Variants in ZER1 observed in about 807,000 individuals in gnomAD.
The protein encoded by ZER1 is protein zer-1 homolog.
Under a neutral mutation model 78.8 loss-of-function variants are expected in ZER1, and 11 were observed. The observed-to-expected ratio is 0.14, with a 90% CI of 0.09 to 0.23. ZER1 has a LOEUF of 0.23. Among genes scored for constraint, ZER1 ranks in the 10% least tolerant of loss-of-function variants. ZER1 has a pLI of 1.00. For synonymous variants in ZER1, 400 were observed against 407.0 expected (o/e 0.98, Z 0.21); for missense variants, 588 against 996.9 (o/e 0.59, Z 5.52).
chr9:128,730,199 G>C lies in ZER1; in HGVS notation c.*1138C>G, dbSNP rs1939056554. On this transcript the variant is annotated 3_prime_UTR_variant, in exon 16 of 16. Coordinates refer to ENST00000291900, the MANE Select transcript of ZER1 (RefSeq NM_006336.4). ...CAAGTGTCCGATGAGAAGCAATGCAGTGTCCATCGATGGAGGAGCAAGAGA... is the reference window on the plus strand; with the variant it reads ...CAAGTGTCCGATGAGAAGCAATGCACTGTCCATCGATGGAGGAGCAAGAGA... The C allele has an allele frequency of 6.5e-6, 1 of 152,878 alleles. No homozygotes were observed. Among genetic ancestry groups the C allele is most frequent in the Non-Finnish European group, 1.5e-5 (1 of 68,266 alleles). 9.5% of individuals were successfully genotyped at this position (152,878 alleles called of 1,614,324 possible). A position where few individuals can be genotyped will look rare whatever the true frequency, so the allele number is the denominator to read the frequency against.
intron 1 of ZER1, among the ~76,000 whole-genome samples, chr9:128,757,360 A>T (rs1284176812): frequency 6.6e-6 from 1 of 152,044 alleles, no homozygotes; most frequent in East Asian, 1.9e-4. Context: ...CTCTACAAAA[A>T]ATACAAAAAA....
At chr9:128,766,662 A>G (rs1274267247) in intron 1 of ZER1, among the ~76,000 whole-genome samples, 4 of 152,000 alleles carry the variant, frequency 2.6e-5, no homozygotes, top group Non-Finnish European at 4.4e-5. Context: ...CCTGGCCAAC[A>G]TGGTGAAACT....
chr9:128,757,903 T>C (rs1160583548), intron 1 of ZER1, among the ~76,000 whole-genome samples: 1 of 114,472 alleles, frequency 8.7e-6, no homozygotes, highest in Non-Finnish European at 1.9e-5. Flanking sequence ...CAGAAATGCA[T>C]AAGTAAATGT....
At position 128,757,339 on chromosome 9, in the gene ZER1, C is replaced by T. The variant is rs910934449; in HGVS notation, c.-94-1680G>A. Among the ~76,000 whole-genome samples, 7 of 151,862 alleles carry T rather than the reference C, an allele frequency of 4.6e-5. No individual in the cohort carries two copies. The East Asian group carries it at 1.2e-3, about 25-fold the overall frequency. ...TTCAAGACCAGCCTGGGCAACATGG[C>T]GAAACCCTGTCTCTACAAAAAATAC... On this transcript the variant is annotated intron_variant, in intron 1 of 15. Coordinates refer to ENST00000291900, the MANE Select transcript of ZER1 (RefSeq NM_006336.4).
At chr9:128,733,380 C>T in intron 15 of ZER1, 46 bp downstream of exon 15, 1 of 1,579,200 alleles carries the variant, frequency 6.3e-7, no homozygotes, top group Non-Finnish European at 8.7e-7. Context: ...TGCCCTTACT[C>T]CCCTAAACCA....
upstream of ZER1, chr9:128,771,965 C>T (rs943666318): frequency 6.6e-6 from 1 of 152,258 alleles, no homozygotes; most frequent in African/African-American, 2.4e-5. Flanking sequence ...TTAGCAACAG[C>T]GATCGGGTTC....
At chr9:128,734,971 G>A (rs1863013595) in intron 14 of ZER1, among the ~76,000 whole-genome samples, 2 of 152,064 alleles carry the variant, frequency 1.3e-5, no homozygotes, top group African/African-American at 4.8e-5. Flanking sequence ...GGTCATTGCA[G>A]CTGGAAACTC....
chr9:128,736,914 G>T (rs992965193), intron 13 of ZER1, among the ~76,000 whole-genome samples: 2 of 152,084 alleles, frequency 1.3e-5, no homozygotes, highest in African/African-American at 4.8e-5. Flanking sequence ...GAGGCTGAGG[G>T]GGGTGGATTG....
At position 128,730,689 on chromosome 9, in the gene ZER1, A is replaced by G. The variant is rs186466355; in HGVS notation, c.*648T>C. On this transcript the variant is annotated 3_prime_UTR_variant, in exon 16 of 16. Transcript: ENST00000291900. The stretch of plus-strand genomic sequence containing the variant: ...GGCCTGGCTGGACAGCAGCAGGGCC[A>G]CTGGGTGCCCTGCTCCTAGAGGGTC... The G allele has an allele frequency of 6.6e-6, 1 of 152,642 alleles. No homozygotes were observed. Among genetic ancestry groups the G allele is most frequent in the Non-Finnish European group, 1.5e-5 (1 of 68,074 alleles). The allele number at this position is 152,642 out of a possible 1,614,324, so 9.5% of individuals were successfully genotyped here.
Position 128,753,869 on chromosome 9 carries a change from C to G in ZER1, c.249G>C (p.Thr83=). 6.2e-7 allele frequency: 1 copy of G among 1,603,596 alleles called. No individual in the cohort carries two copies. Residue 83 remains threonine (T), a synonymous_variant, in exon 3 of 16, where the codon ACG becomes ACC. Coordinates refer to ENST00000291900, the MANE Select transcript of ZER1 (RefSeq NM_006336.4). This position sits in a 1 kb window ranked among gnomAD's most constrained non-coding sequence, Gnocchi z 7.5. ...CCAGGTCCTCACGGAGGTGGATCCGCGTGAGGCGGGTGCTGCGGGGGTCCG... is the reference window on the plus strand; with the variant it reads ...CCAGGTCCTCACGGAGGTGGATCCGGGTGAGGCGGGTGCTGCGGGGGTCCG... ...LFSDPRSTRL[T]RIHLREDLVQ...
In ZER1 at chr9:128,733,451, G is replaced by A. The variant is rs761086742; in HGVS notation, c.2218C>T (p.Arg740Trp). 4 of 1,613,856 alleles carry A rather than the reference G, an allele frequency of 2.5e-6. No individual in the cohort carries two copies. Among genetic ancestry groups the A allele is most frequent in the East Asian group, 2.2e-5 (1 of 44,868 alleles). Residue 740 changes from arginine to tryptophan, a missense_variant, in exon 15 of 16, where the codon CGG becomes TGG. By Grantham distance (101) the Arg-to-Trp change is moderately radical. Transcript: ENST00000291900. ...CGGGCCATTTCCTTGGTCTCCTGCC[G>A]TGCGGTCGCCATCTTAATTATGTCC... ...LRDIIKMATARQETKEMARKV... is the reference protein window; with the variant it reads ...LRDIIKMATAWQETKEMARKV...
In ZER1 at chr9:128,755,640, A is replaced by G; in HGVS notation, c.-75T>C. Reference sequence around the variant, plus strand: ...ACAGTGATTCCTGAATACTCACAGGATCATTGGCAGAGCCACTGCCTGGGG... The same window carrying G: ...ACAGTGATTCCTGAATACTCACAGGGTCATTGGCAGAGCCACTGCCTGGGG... On this transcript the variant is annotated 5_prime_UTR_variant, in exon 2 of 16. Transcript: ENST00000291900. The surrounding 1 kb of genome is among the most constrained non-coding windows in gnomAD (Gnocchi z 5.6). 1 of 1,561,934 alleles carries G rather than the reference A, an allele frequency of 6.4e-7. No individual in the cohort carries two copies. The highest frequency in any genetic ancestry group is 8.7e-7 in the Non-Finnish European group (1 of 1,145,362).
At chr9:128,759,481 T>C (rs1280784892) in intron 1 of ZER1, among the ~76,000 whole-genome samples, 5 of 151,436 alleles carry the variant, frequency 3.3e-5, no homozygotes, top group African/African-American at 1.2e-4. Context: ...CTGGCCCGAA[T>C]ATTGTAATTG....
At chr9:128,731,437 T>TGGGGGGGGGGGGGTGGGGG in intron 15 of ZER1, 43 bp from the exon 16 acceptor site, 1 of 451,616 alleles carries the variant, frequency 2.2e-6, no homozygotes, top group Non-Finnish European at 4.3e-6. Context: ...TGGGCTTGGG[T>TGGGGGGGGGGGGGTGGGGG]GGGGGTGAGC....
In ZER1 at chr9:128,735,346, C is replaced by T. The variant is rs1326983848; in HGVS notation, c.2128G>A (p.Val710Met). 8 of 1,613,492 alleles carry T rather than the reference C, an allele frequency of 5.0e-6. No individual in the cohort carries two copies. The highest frequency in any genetic ancestry group is 2.2e-5 in the South Asian group (2 of 91,004). ...AGTTGGCACTCACGGTAGACAGACA[C>T]GAGGTTATACAGGGCCCAGGTTGCC... ...HWATWALYNL[V>M]SVYPDKYCPL... The change falls in exon 14 of 16, where the codon GTG becomes ATG. Residue 710 changes from valine (V) to methionine (M), a missense_variant. Around this residue, in one of 3 missense-constraint regions of ZER1, gnomAD observed 122 missense variants for 173.5 expected, o/e 0.70. Coordinates refer to ENST00000291900, the MANE Select transcript of ZER1 (RefSeq NM_006336.4).
intron 13 of ZER1, among the ~76,000 whole-genome samples, chr9:128,736,225 T>C (rs1863073515): frequency 6.6e-6 from 1 of 152,006 alleles, no homozygotes; most frequent in East Asian, 1.9e-4. Flanking sequence ...GCTGGGATTA[T>C]AGGCGTGAGC....
chr9:128,758,763 G>C (rs976283882), intron 1 of ZER1, among the ~76,000 whole-genome samples: 1 of 150,898 alleles, frequency 6.6e-6, no homozygotes, highest in African/African-American at 2.4e-5. Context: ...TTTAATGAGA[G>C]GAGTCAGACA....
Position 128,751,650 on chromosome 9 carries a change from C to T in ZER1, c.924-123G>A. The T allele has an allele frequency of 1.3e-6, 1 of 752,210 alleles. No homozygotes were observed. Among genetic ancestry groups the T allele is most frequent in the Non-Finnish European group, 2.2e-6 (1 of 455,688 alleles). The allele number at this position is 752,210 out of a possible 1,614,324, so 46.6% of individuals were successfully genotyped here. ...AGGCCCTCCAACCTCATCCCCTACTCCTTTTGTTTTTAATGGTAGGGGACA... is the reference window on the plus strand; with the variant it reads ...AGGCCCTCCAACCTCATCCCCTACTTCTTTTGTTTTTAATGGTAGGGGACA... On this transcript the variant is annotated intron_variant, in intron 5 of 15. Transcript: ENST00000291900. This position sits in a 1 kb window ranked among gnomAD's most constrained non-coding sequence, Gnocchi z 5.4.
At chr9:128,747,129 G>A (rs765885196) in intron 8 of ZER1, among the ~76,000 whole-genome samples, 8 of 150,442 alleles carry the variant, frequency 5.3e-5, no homozygotes, top group Admixed American at 2.0e-4. Context: ...AACCTGGGAG[G>A]TAGAGGTTGT....
Sources: allele counts gnomAD v4.1 joint callset (sites outside exome capture counted in the v4.1 genomes callset), GRCh38; gene constraint gnomAD v4.1.1; regional missense constraint gnomAD v4.1.1; non-coding constraint Gnocchi (gnomAD v3.1); transcripts MANE v1.5; gene names NCBI Gene and HGNC (gene_info 2026-07-23, HGNC 2026-07-21).